CDKN2B-AS1: variants seen among roughly 807,000 people sequenced by gnomAD.
CDKN2B-AS1 encodes the protein CDKN2B and CDKN2A antisense cis and trans regulatory RNA 1.
intron 4 of CDKN2B-AS1, among the ~76,000 whole-genome samples, chr9:22,089,751 C>T (rs1345320394): frequency 6.6e-6 from 1 of 152,042 alleles, no homozygotes; most frequent in African/African-American, 2.4e-5. Flanking sequence ...TGCCCCCTAG[C>T]AGACGTCTTA....
chr9:22,089,995 AG>A (rs1185638115), intron 4 of CDKN2B-AS1, among the ~76,000 whole-genome samples: 3 of 106,658 alleles, frequency 2.8e-5, no homozygotes, highest in African/African-American at 1.1e-4. Flanking sequence ...ACCCCACAAC[AG>A]GCCCCGGTGT....
chr9:22,010,505 CT>C (rs1279042799), intron 1 of CDKN2B-AS1, among the ~76,000 whole-genome samples: 2 of 151,958 alleles, frequency 1.3e-5, no homozygotes, highest in African/African-American at 2.4e-5. Flanking sequence ...AAATGAGAGT[CT>C]TCACATGTTT....
intron 4 of CDKN2B-AS1, among the ~76,000 whole-genome samples, chr9:22,062,962 G>A (rs967633067): frequency 5.3e-5 from 6 of 112,158 alleles, no homozygotes; most frequent in African/African-American, 2.5e-4. Flanking sequence ...ACTTGTGTGT[G>A]TGTGTGAAAG....
At chr9:22,028,861 T>C (rs1161183990) in intron 1 of CDKN2B-AS1, among the ~76,000 whole-genome samples, 1 of 152,156 alleles carries the variant, frequency 6.6e-6, no homozygotes, top group Non-Finnish European at 1.5e-5. Flanking sequence ...TACAAATAAA[T>C]TACTAAAGTA....
intron 4 of CDKN2B-AS1, among the ~76,000 whole-genome samples, chr9:22,115,697 A>G (rs906463869): frequency 3.9e-5 from 6 of 152,106 alleles, no homozygotes; most frequent in African/African-American, 1.2e-4. Context: ...TTCTTCCAGA[A>G]TCATTTCTAT....
chr9:22,050,505 G>A (rs1268712230), intron 3 of CDKN2B-AS1, among the ~76,000 whole-genome samples: 6 of 152,184 alleles, frequency 3.9e-5, no homozygotes, highest in African/African-American at 1.2e-4. Context: ...TTAAAATCCC[G>A]TTGGGCAATT....
In CDKN2B-AS1 at chr9:22,000,645, ACT is replaced by A. The variant is rs1262830240; in HGVS notation, n.29+5487_29+5488del. Reference sequence around the variant, plus strand: ...TACAACAGTCACCCTCTAGAAGAAAACTCTGTGTTGACAATAATCTGCTGACT... The same window carrying A: ...TACAACAGTCACCCTCTAGAAGAAAACTGTGTTGACAATAATCTGCTGACT... On this transcript the variant is annotated intron_variant and non_coding_transcript_variant, in intron 1 of 4. Coordinates refer to ENST00000650946, the Ensembl canonical transcript of CDKN2B-AS1. This position sits in a 1 kb window ranked among gnomAD's most constrained non-coding sequence, Gnocchi z 4.1. 6.6e-6 allele frequency among the ~76,000 whole-genome samples: 1 copy of A among 151,796 alleles called. No homozygotes were observed. Among genetic ancestry groups the A allele is most frequent in the Non-Finnish European group, 1.5e-5 (1 of 67,920 alleles).
In CDKN2B-AS1 at chr9:22,123,888, T is replaced by C. The variant is rs188851611; in HGVS notation, n.439-3215T>C. ...ACGGAAAGGACTATTTTTGCAATTA[T>C]GTAGCTCTTGTTCTCTATAGATAGA... On this transcript the variant is annotated intron_variant and non_coding_transcript_variant, in intron 4 of 4. Coordinates refer to ENST00000650946, the Ensembl canonical transcript of CDKN2B-AS1. Among the ~76,000 whole-genome samples, 13 of 152,338 alleles carry C rather than the reference T, an allele frequency of 8.5e-5. No individual in the cohort carries two copies. In the East Asian group the frequency reaches 1.5e-3, roughly 18 times the overall value.
At position 22,005,981 on chromosome 9, in the gene CDKN2B-AS1, C is replaced by T. The variant is rs545104474; in HGVS notation, n.29+10820C>T. 70 of 1,601,232 alleles carry T rather than the reference C, an allele frequency of 4.4e-5. 1 individual carries two copies. In the South Asian group the frequency reaches 6.5e-4, roughly 15 times the overall value. ...AAGTCGTTGTGGGCGGCTGGGGAAC[C>T]TGGCGTCAGTCCCCCGTGGCTGTGC... is the stretch of plus-strand genomic sequence containing the variant. On this transcript the variant is annotated intron_variant and non_coding_transcript_variant, in intron 1 of 4. Coordinates refer to ENST00000650946, the Ensembl canonical transcript of CDKN2B-AS1. This position sits in a 1 kb window ranked among gnomAD's most constrained non-coding sequence, Gnocchi z 4.9.
chr9:22,038,134 C>G (rs1249963072), intron 1 of CDKN2B-AS1, among the ~76,000 whole-genome samples: 1 of 151,828 alleles, frequency 6.6e-6, no homozygotes, highest in Non-Finnish European at 1.5e-5. Flanking sequence ...GAAGGAAGCA[C>G]TTTTGGGAGA....
intron 4 of CDKN2B-AS1, among the ~76,000 whole-genome samples, chr9:22,085,604 C>T (rs1255609684): frequency 6.6e-6 from 1 of 151,788 alleles, no homozygotes; most frequent in Non-Finnish European, 1.5e-5. Flanking sequence ...CCCTGTAGTC[C>T]CAGGTACTCG....
At chr9:22,118,307 C>T (rs1826008970) in intron 4 of CDKN2B-AS1, 2 of 152,008 alleles carry the variant, frequency 1.3e-5, no homozygotes, top group African/African-American at 4.8e-5. Flanking sequence ...GAGAGAGACT[C>T]ATATTATGGT....
intron 4 of CDKN2B-AS1, chr9:22,058,673 G>C (rs1214833759): frequency 1.3e-5 from 2 of 152,450 alleles, no homozygotes; most frequent in African/African-American, 4.8e-5. Flanking sequence ...TCTATCATCT[G>C]CAGGGGATCT....
intron 4 of CDKN2B-AS1, among the ~76,000 whole-genome samples, chr9:22,122,664 A>C (rs1281839501): frequency 6.6e-6 from 1 of 152,042 alleles, no homozygotes; most frequent in Non-Finnish European, 1.5e-5. Context: ...TCCTTTACCC[A>C]CTGAGTGTTC....
chr9:22,107,458 G>A (rs1486055534), intron 4 of CDKN2B-AS1, among the ~76,000 whole-genome samples: 5 of 152,192 alleles, frequency 3.3e-5, no homozygotes, highest in African/African-American at 1.2e-4. Context: ...TGAAATGCTG[G>A]AAACTTTCCC....
intron 1 of CDKN2B-AS1, among the ~76,000 whole-genome samples, chr9:22,028,481 C>G (rs1350156667): frequency 1.3e-5 from 2 of 151,970 alleles, no homozygotes; most frequent in African/African-American, 4.8e-5. Flanking sequence ...TAAAATGAAA[C>G]TTTAAAAAAA....
intron 4 of CDKN2B-AS1, among the ~76,000 whole-genome samples, chr9:22,067,908 T>A (rs1230201453): frequency 6.6e-6 from 1 of 152,174 alleles, no homozygotes; most frequent in African/African-American, 2.4e-5. Context: ...CTCTTAAGAT[T>A]GTCTTTCTCT....
At chr9:22,008,807 G>GCA in intron 1 of CDKN2B-AS1, 1 of 1,604,794 alleles carries the variant, frequency 6.2e-7, no homozygotes, top group Non-Finnish European at 8.5e-7. Context: ...CCTGGATCGC[G>GCA]CGCCTCCCGA....
intron 4 of CDKN2B-AS1, chr9:22,118,289 C>A (rs557995126): frequency 2.0e-5 from 3 of 151,998 alleles, no homozygotes; most frequent in Non-Finnish European, 4.4e-5. Flanking sequence ...GAAAGAGAGA[C>A]ACACAGAGAG....
Sources: allele counts gnomAD v4.1 joint callset (sites outside exome capture counted in the v4.1 genomes callset), GRCh38; gene constraint gnomAD v4.1.1; non-coding constraint Gnocchi (gnomAD v3.1); transcripts MANE v1.5; gene names NCBI Gene and HGNC (gene_info 2026-07-23, HGNC 2026-07-21).